Variants in POFUT3 observed in about 807,000 individuals in gnomAD.
POFUT3 encodes GDP-fucose protein O-fucosyltransferase 3.
the POFUT3 span, among the ~76,000 whole-genome samples, chr8:33,404,010 A>G: frequency 6.6e-6 from 1 of 152,098 alleles, no homozygotes. Flanking sequence ...CAGGCACAGG[A>G]GCACAGGAAC....
the POFUT3 span, among the ~76,000 whole-genome samples, chr8:33,332,760 G>A: frequency 6.6e-6 from 1 of 151,974 alleles, no homozygotes; most frequent in Non-Finnish European, 1.5e-5. Flanking sequence ...GGAAGGAAGG[G>A]GCCTTAACCA....
the POFUT3 span, among the ~76,000 whole-genome samples, chr8:33,355,231 T>C: frequency 4.6e-5 from 7 of 152,232 alleles, no homozygotes; most frequent in Admixed American, 3.9e-4. Context: ...ATCAATATTA[T>C]ATCTTCCTTC....
the POFUT3 span, chr8:33,372,785 C>T: frequency 6.2e-7 from 1 of 1,613,904 alleles, no homozygotes; most frequent in Non-Finnish European, 8.5e-7. Context: ...TTCTGCCTCC[C>T]ATCTTTTGGG....
At chr8:33,337,572 T>G in the POFUT3 span, among the ~76,000 whole-genome samples, 3 of 152,184 alleles carry the variant, frequency 2.0e-5, no homozygotes, top group East Asian at 5.8e-4. Flanking sequence ...ACCCCTCTAC[T>G]CTCACCAACA....
the POFUT3 span, among the ~76,000 whole-genome samples, chr8:33,319,744 ATT>A: frequency 1.7e-5 from 1 of 57,370 alleles, no homozygotes; most frequent in African/African-American, 9.9e-5. Context: ...TTTTATATAT[ATT>A]TATATATATA....
the POFUT3 span, chr8:33,389,433 G>A: frequency 1.5e-5 from 25 of 1,614,156 alleles, no homozygotes; most frequent in East Asian, 4.5e-5. Context: ...TCTTTGTTTC[G>A]TAAACATTCA....
the POFUT3 span, among the ~76,000 whole-genome samples, chr8:33,341,434 C>CA: frequency 0.014 from 712 of 51,738 alleles, 11 homozygotes; most frequent in South Asian, 0.06. Context: ...GACTCCATCT[C>CA]AAAAAAAAAA....
the POFUT3 span, among the ~76,000 whole-genome samples, chr8:33,373,742 T>C: frequency 6.6e-6 from 1 of 151,922 alleles, no homozygotes; most frequent in Non-Finnish European, 1.5e-5. Context: ...AACACACATA[T>C]CCAATTTCAT....
chr8:33,318,668 AAATATATTGT>A, the POFUT3 span, among the ~76,000 whole-genome samples: 1 of 88,642 alleles, frequency 1.1e-5, no homozygotes, highest in Non-Finnish European at 2.0e-5. Context: ...TATAATATAT[AAATATATTGT>A]ATATATATTT....
the POFUT3 span, among the ~76,000 whole-genome samples, chr8:33,352,216 C>G: frequency 6.6e-6 from 1 of 152,136 alleles, no homozygotes; most frequent in African/African-American, 2.4e-5. Context: ...TTACAAAAAG[C>G]CTTAGAAAGC....
the POFUT3 span, among the ~76,000 whole-genome samples, chr8:33,333,681 A>C: frequency 1.2e-4 from 18 of 152,296 alleles, no homozygotes; most frequent in Non-Finnish European, 2.5e-4. Flanking sequence ...AACACTGAAT[A>C]TAAGGAGGAG....
chr8:33,336,153 AT>A, the POFUT3 span, among the ~76,000 whole-genome samples: 3 of 152,182 alleles, frequency 2.0e-5, no homozygotes, highest in Admixed American at 2.0e-4. Flanking sequence ...TTTCTCTATC[AT>A]TTTTTAAAGT....
the POFUT3 span, among the ~76,000 whole-genome samples, chr8:33,403,437 T>C: frequency 2.0e-5 from 3 of 152,134 alleles, no homozygotes; most frequent in Non-Finnish European, 4.4e-5. Context: ...AGTTATTGGC[T>C]GGCTGTAGTG....
the POFUT3 span, among the ~76,000 whole-genome samples, chr8:33,421,366 C>T: frequency 2.0e-5 from 3 of 152,148 alleles, no homozygotes; most frequent in Non-Finnish European, 4.4e-5. Context: ...TTAACTAAAT[C>T]TTCAAATGCC....
chr8:33,454,471 C>G, the POFUT3 span, among the ~76,000 whole-genome samples: 2 of 152,210 alleles, frequency 1.3e-5, no homozygotes, highest in Admixed American at 6.5e-5. Context: ...CCCCCCACCT[C>G]AAAGTGGGTC....
chr8:33,461,408 G>A, the POFUT3 span: 104 of 1,613,064 alleles, frequency 6.4e-5, no homozygotes, highest in Middle Eastern at 6.6e-4. Flanking sequence ...TGGCTGTGAC[G>A]CACAGGCAAG....
chr8:33,421,951 G>C, the POFUT3 span, among the ~76,000 whole-genome samples: 2 of 148,432 alleles, frequency 1.3e-5, no homozygotes, highest in Non-Finnish European at 3.0e-5. Flanking sequence ...AAGGAAAAAA[G>C]AACAAACTTT....
the POFUT3 span, among the ~76,000 whole-genome samples, chr8:33,365,060 T>G: frequency 2.6e-5 from 4 of 151,968 alleles, no homozygotes; most frequent in Admixed American, 6.6e-5. Flanking sequence ...CCAAAACAGA[T>G]ATATAGACCA....
chr8:33,368,918 T>G, the POFUT3 span, among the ~76,000 whole-genome samples: 1 of 152,204 alleles, frequency 6.6e-6, no homozygotes, highest in Non-Finnish European at 1.5e-5. Flanking sequence ...TCCTTGGTTT[T>G]AATACCATCA....
Sources: allele counts gnomAD v4.1 joint callset (sites outside exome capture counted in the v4.1 genomes callset), GRCh38; gene constraint gnomAD v4.1.1; transcripts MANE v1.5; gene names NCBI Gene and HGNC (gene_info 2026-07-23, HGNC 2026-07-21).